Variants in PRELID2 observed in about 807,000 individuals in gnomAD.
The protein encoded by PRELID2 is PRELI domain containing 2.
A neutral mutation model predicts 28.4 loss-of-function variants in PRELID2; 25 were observed. That is an observed-to-expected ratio of 0.88 (90% CI 0.64 to 1.23). The LOEUF (loss-of-function observed/expected upper bound fraction) is 1.23, where lower values mean the gene tolerates loss of function less well. Among genes scored for constraint, PRELID2 ranks in the 50% most tolerant of loss-of-function variants. PRELID2 has a pLI of 0.00. For synonymous variants in PRELID2, 76 were observed against 71.6 expected, an observed-to-expected ratio of 1.06 and a Z score of -0.31; for missense variants, 201 against 214.4, an observed-to-expected ratio of 0.94 and a Z score of 0.39.
chr5:145,291,870 A>G, the PRELID2 span, among the ~76,000 whole-genome samples: 1 of 152,210 alleles, frequency 6.6e-6, no homozygotes, highest in Non-Finnish European at 1.5e-5. Context: ...AACATCATTT[A>G]CTGAAATGAC....
At chr5:145,530,896 T>C (rs574866909) in intron 1 of PRELID2, among the ~76,000 whole-genome samples, 4 of 152,002 alleles carry the variant, frequency 2.6e-5, no homozygotes, top group African/African-American at 9.6e-5. Flanking sequence ...CCATCTTGAG[T>C]GGAGAAAAAA....
At chr5:145,528,712 CACACACACACACACAGAG>C (rs1752629683) in intron 1 of PRELID2, among the ~76,000 whole-genome samples, 1 of 129,822 alleles carries the variant, frequency 7.7e-6, no homozygotes, top group African/African-American at 3.0e-5. Context: ...CACACACACA[CACACACACACACACAGAG>C]AGAGAGAGAG....
At chr5:145,491,710 T>TACCCCCTG (rs901861063) in intron 1 of PRELID2, among the ~76,000 whole-genome samples, 5 of 152,008 alleles carry the variant, frequency 3.3e-5, no homozygotes, top group African/African-American at 9.6e-5. Context: ...ACCCCCCCAG[T>TACCCCCTG]ACCCCCTGAC....
intron 1 of PRELID2, among the ~76,000 whole-genome samples, chr5:145,491,875 T>C (rs781414952): frequency 2.6e-5 from 4 of 152,162 alleles, no homozygotes; most frequent in Non-Finnish European, 5.9e-5. Context: ...ATGACAGGCT[T>C]TCTTTCTTTT....
At chr5:145,697,078 T>TATATACAC (rs1554084259) in intron 1 of PRELID2, among the ~76,000 whole-genome samples, 1 of 98,922 alleles carries the variant, frequency 1.0e-5, no homozygotes, top group Non-Finnish European at 1.9e-5. Context: ...TATATATATA[T>TATATACAC]ATACACACAC....
chr5:145,346,937 C>T, the PRELID2 span, among the ~76,000 whole-genome samples: 304 of 152,240 alleles, frequency 2.0e-3, no homozygotes, highest in African/African-American at 6.9e-3. Flanking sequence ...TTAAACACTG[C>T]TTGATCTGGA....
the PRELID2 span, among the ~76,000 whole-genome samples, chr5:145,445,052 C>A: frequency 6.6e-6 from 1 of 151,874 alleles, no homozygotes; most frequent in African/African-American, 2.4e-5. Flanking sequence ...TATGGAACCA[C>A]AAAAGACAGT....
chr5:145,504,871 C>T (rs1752392198), intron 1 of PRELID2, among the ~76,000 whole-genome samples: 1 of 152,124 alleles, frequency 6.6e-6, no homozygotes, highest in Non-Finnish European at 1.5e-5. Context: ...GCCTACCCAG[C>T]TGAGAACCAC....
chr5:145,697,365 A>T (rs576690934), intron 1 of PRELID2, among the ~76,000 whole-genome samples: 75 of 151,860 alleles, frequency 4.9e-4, no homozygotes, highest in Non-Finnish European at 7.7e-4. Context: ...AGGCTAAGAA[A>T]CTTGCTGAAG....
the PRELID2 span, among the ~76,000 whole-genome samples, chr5:145,423,383 T>C: frequency 2.6e-5 from 4 of 152,154 alleles, no homozygotes; most frequent in Non-Finnish European, 4.4e-5. Context: ...CAATCAGGCA[T>C]AGATTTGGTC....
intron 1 of PRELID2, among the ~76,000 whole-genome samples, chr5:145,736,210 T>G (rs1756491638): frequency 6.6e-6 from 1 of 152,238 alleles, no homozygotes; most frequent in South Asian, 2.1e-4. Flanking sequence ...ACTGTTGCTA[T>G]ACAGTGGGAT....
At position 145,825,694 on chromosome 5, in the gene PRELID2, C is replaced by T. The variant is rs188204179; in HGVS notation, c.76-2560G>A. ...TTAAACATTATAAACTCAAATACTT[C>T]ACACTTACATAATTTTTGGAGTTGA... is the stretch of plus-strand genomic sequence containing the variant. On this transcript the variant is annotated intron_variant, in intron 1 of 6. Coordinates refer to ENST00000683046, the MANE Select transcript of PRELID2 (RefSeq NM_205846.3). Among the ~76,000 whole-genome samples, 442 of 152,260 alleles carry T rather than the reference C, an allele frequency of 2.9e-3. 1 individual carries two copies. Among genetic ancestry groups the T allele is most frequent in the African/African-American group, 0.01 (425 of 41,560 alleles).
the PRELID2 span, among the ~76,000 whole-genome samples, chr5:145,401,969 C>A: frequency 6.6e-6 from 1 of 152,152 alleles, no homozygotes; most frequent in Non-Finnish European, 1.5e-5. Context: ...ACCCACCCAC[C>A]CCCGTTGCTT....
the PRELID2 span, among the ~76,000 whole-genome samples, chr5:145,413,616 AC>A: frequency 4.9e-5 from 2 of 41,028 alleles, no homozygotes; most frequent in Non-Finnish European, 1.1e-4. Flanking sequence ...GAAAATACAC[AC>A]ACACACACAC....
chr5:145,340,503 C>T, the PRELID2 span, among the ~76,000 whole-genome samples: 3 of 152,234 alleles, frequency 2.0e-5, no homozygotes, highest in Non-Finnish European at 2.9e-5. Flanking sequence ...CATGGTGGCT[C>T]ATGCCTGTAA....
At chr5:145,286,683 T>G in the PRELID2 span, among the ~76,000 whole-genome samples, 1 of 151,496 alleles carries the variant, frequency 6.6e-6, no homozygotes. Context: ...GAGATTTGAC[T>G]GCCAACATAG....
At chr5:145,346,756 G>A in the PRELID2 span, among the ~76,000 whole-genome samples, 1 of 152,140 alleles carries the variant, frequency 6.6e-6, no homozygotes, top group Non-Finnish European at 1.5e-5. Flanking sequence ...TGTCAATGGA[G>A]AAAGAAGCTG....
At chr5:145,433,427 G>A in the PRELID2 span, among the ~76,000 whole-genome samples, 97 of 152,214 alleles carry the variant, frequency 6.4e-4, no homozygotes, top group East Asian at 0.016. Context: ...GTGGCTTCCC[G>A]ATTCATTGTG....
chr5:145,263,883 C>G, the PRELID2 span, among the ~76,000 whole-genome samples: 2 of 150,038 alleles, frequency 1.3e-5, no homozygotes, highest in South Asian at 4.2e-4. Context: ...CAGGACCAGA[C>G]AGATTCACAG....
Sources: allele counts gnomAD v4.1 joint callset (sites outside exome capture counted in the v4.1 genomes callset), GRCh38; gene constraint gnomAD v4.1.1; transcripts MANE v1.5; gene names NCBI Gene and HGNC (gene_info 2026-07-23, HGNC 2026-07-21).